Variants in ZNF804A observed in about 807,000 individuals in gnomAD.
ZNF804A encodes zinc finger protein 804A.
ZNF804A carries 2 observed loss-of-function variants against 16.5 expected under a neutral mutation model. The observed-to-expected ratio is 0.12, with a 90% CI of 0.05 to 0.38. The LOEUF is 0.38. Ranked by LOEUF, ZNF804A falls within the 10% of genes least tolerant of loss-of-function variation. The pLI, the probability that ZNF804A is intolerant of heterozygous loss-of-function variation, is 0.99. For synonymous variants in ZNF804A, 534 were observed against 489.6 expected, an observed-to-expected ratio of 1.09 and a Z score of -1.20; for missense variants, 1,473 against 1,390.7, an observed-to-expected ratio of 1.06 and a Z score of -0.94.
intron 1 of ZNF804A, among the ~76,000 whole-genome samples, chr2:184,722,033 T>C (rs1693325443): frequency 6.6e-6 from 1 of 151,642 alleles, no homozygotes; most frequent in Non-Finnish European, 1.5e-5. Flanking sequence ...GCTAAAAGAG[T>C]TGTTCTCATC....
At chr2:184,754,764 CT>C (rs951693725) in intron 1 of ZNF804A, among the ~76,000 whole-genome samples, 22 of 151,290 alleles carry the variant, frequency 1.5e-4, no homozygotes, top group African/African-American at 4.4e-4. Context: ...ATTTATTCAT[CT>C]TTTTTTTAAA....
At chr2:184,822,766 C>G (rs560250891) in intron 1 of ZNF804A, among the ~76,000 whole-genome samples, 1 of 152,162 alleles carries the variant, frequency 6.6e-6, no homozygotes, top group East Asian at 1.9e-4. Flanking sequence ...CTTAGTAAGT[C>G]AATAGCAATA....
chr2:184,874,371 C>T (rs530710202), intron 2 of ZNF804A, among the ~76,000 whole-genome samples: 3 of 152,170 alleles, frequency 2.0e-5, no homozygotes, highest in African/African-American at 7.2e-5. Context: ...GCATACATCT[C>T]ACATCACATA....
chr2:184,938,431 T>C lies in ZNF804A; in HGVS notation c.3035T>C (p.Val1012Ala), dbSNP rs762153603. Residue 1012 changes from valine (V) to alanine (A), a missense_variant, in exon 4 of 4, where the codon GTC becomes GCC. Val to Ala is a moderately conservative substitution (Grantham distance 64). Coordinates refer to ENST00000302277, the MANE Select transcript of ZNF804A (RefSeq NM_194250.2). ...QPPLPFKEAHVSGHTFVTAEQ... is the reference protein window; with the variant it reads ...QPPLPFKEAHASGHTFVTAEQ... Reference sequence around the variant, plus strand: ...CCATTACCATTCAAAGAAGCACATGTCAGTGGTCATACTTTTGTAACAGCT... The same window carrying C: ...CCATTACCATTCAAAGAAGCACATGCCAGTGGTCATACTTTTGTAACAGCT... The C allele has an allele frequency of 3.1e-6, 5 of 1,614,090 alleles. No individual in the cohort carries two copies. Among genetic ancestry groups the C allele is most frequent in the Non-Finnish European group, 3.4e-6 (4 of 1,180,010 alleles).
intron 1 of ZNF804A, among the ~76,000 whole-genome samples, chr2:184,814,123 G>A (rs1211016613): frequency 6.7e-6 from 1 of 149,036 alleles, no homozygotes; most frequent in East Asian, 2.0e-4. Context: ...TCTCAGGGTA[G>A]GCAACTTGTG....
intron 2 of ZNF804A, among the ~76,000 whole-genome samples, chr2:184,887,149 T>A (rs1485974695): frequency 6.6e-6 from 1 of 152,170 alleles, no homozygotes; most frequent in African/African-American, 2.4e-5. Flanking sequence ...CTCTAAATCA[T>A]CTCTCTCAAG....
At chr2:184,889,268 T>C (rs1327047385) in intron 2 of ZNF804A, among the ~76,000 whole-genome samples, 3 of 152,006 alleles carry the variant, frequency 2.0e-5, no homozygotes, top group Non-Finnish European at 2.9e-5. Context: ...GTTTTAAGGA[T>C]CTGAAAATGA....
At chr2:184,787,974 T>A (rs1403756316) in intron 1 of ZNF804A, among the ~76,000 whole-genome samples, 1 of 151,880 alleles carries the variant, frequency 6.6e-6, no homozygotes, top group Admixed American at 6.6e-5. Flanking sequence ...TATGGCTTCA[T>A]GTCCTAGGTT....
At chr2:184,646,891 T>G in intron 1 of ZNF804A, among the ~76,000 whole-genome samples, 1 of 152,322 alleles carries the variant, frequency 6.6e-6, no homozygotes, top group African/African-American at 2.4e-5. Flanking sequence ...CCAGCTCTAC[T>G]CATCTTGGCC....
At chr2:184,758,103 T>C (rs1693985853) in intron 1 of ZNF804A, among the ~76,000 whole-genome samples, 1 of 151,990 alleles carries the variant, frequency 6.6e-6, no homozygotes, top group African/African-American at 2.4e-5. Flanking sequence ...TCAGGAGTGC[T>C]TGTAGACTCT....
chr2:184,727,630 A>G (rs1693435266), intron 1 of ZNF804A, among the ~76,000 whole-genome samples: 1 of 151,662 alleles, frequency 6.6e-6, no homozygotes, highest in South Asian at 2.1e-4. Flanking sequence ...TATCCCAGAG[A>G]AAATATTTAA....
chr2:184,897,056 T>A (rs1685080336), intron 2 of ZNF804A, among the ~76,000 whole-genome samples: 1 of 152,264 alleles, frequency 6.6e-6, no homozygotes, highest in East Asian at 1.9e-4. Context: ...CTTTTTAATA[T>A]GTGTTAGTAA....
At chr2:184,650,503 T>G (rs181015684) in intron 1 of ZNF804A, among the ~76,000 whole-genome samples, 1 of 151,882 alleles carries the variant, frequency 6.6e-6, no homozygotes, top group East Asian at 1.9e-4. Context: ...CCAAATAAGA[T>G]AAAAAGTAGC....
intron 2 of ZNF804A, among the ~76,000 whole-genome samples, chr2:184,910,380 G>T (rs1685337058): frequency 6.6e-6 from 1 of 151,980 alleles, no homozygotes; most frequent in South Asian, 2.1e-4. Context: ...ACTGTTGATG[G>T]ACAAATAGGT....
chr2:184,814,792 C>T (rs1238079914), intron 1 of ZNF804A, among the ~76,000 whole-genome samples: 1 of 152,006 alleles, frequency 6.6e-6, no homozygotes, highest in East Asian at 1.9e-4. Context: ...ATCTCCGTCA[C>T]CTGGGTAGTT....
At position 184,938,634 on chromosome 2, in the gene ZNF804A, C is replaced by T. The variant is rs745998891; in HGVS notation, c.3238C>T (p.Pro1080Ser). ...AGCTGCCCTCCCACCCCCTAGCACA[C>T]CTCTGCAGCCTTTGCCTTTGCAGCA... ...PPAALPPPST[P>S]LQPLPLQQSL... Residue 1080 changes from proline to serine, a missense_variant, in exon 4 of 4, where the codon CCT becomes TCT. Transcript: ENST00000302277. 9 of 1,613,918 alleles carry T rather than the reference C, an allele frequency of 5.6e-6. No individual in the cohort carries two copies. The East Asian group carries it at 1.6e-4, about 28-fold the overall frequency.
rs147575607 is a variant in ZNF804A at position 184,872,898 on chromosome 2, G to A, written c.255+6386G>A. Among the ~76,000 whole-genome samples, 21 of 152,264 alleles carry A rather than the reference G, an allele frequency of 1.4e-4. No homozygotes were observed. The East Asian group carries it at 3.9e-3, about 28-fold the overall frequency. Reference sequence around the variant, plus strand: ...TGTTTTGTTGATACAGGTATAGACAGATTGATGAATGGAACAGAATATAGA... The same window carrying A: ...TGTTTTGTTGATACAGGTATAGACAAATTGATGAATGGAACAGAATATAGA... On this transcript the variant is annotated intron_variant, in intron 2 of 3. Transcript: ENST00000302277.
intron 1 of ZNF804A, among the ~76,000 whole-genome samples, chr2:184,735,111 A>G (rs1693585992): frequency 6.6e-6 from 1 of 152,060 alleles, no homozygotes; most frequent in African/African-American, 2.4e-5. Flanking sequence ...AACCCTCTCT[A>G]ATAATGTTTG....
At chr2:184,779,728 G>C (rs1390492709) in intron 1 of ZNF804A, among the ~76,000 whole-genome samples, 1 of 151,694 alleles carries the variant, frequency 6.6e-6, no homozygotes, top group Non-Finnish European at 1.5e-5. Context: ...TGGAAAAGGT[G>C]AAAAAGCAGA....
Sources: gnomAD v4.1 joint callset for allele counts (sites outside exome capture counted in the v4.1 genomes callset) on GRCh38, gnomAD v4.1.1 for gene constraint, MANE v1.5 for transcripts, NCBI Gene and HGNC (gene_info 2026-07-23, HGNC 2026-07-21) for gene names.